Variants in RPS6KA2 observed in about 807,000 individuals in gnomAD.
The protein encoded by RPS6KA2 is ribosomal protein S6 kinase alpha-2.
Under a neutral mutation model 91.8 loss-of-function variants are expected in RPS6KA2, and 42 were observed. The ratio of observed to expected loss-of-function variants is 0.46; its 90% CI spans 0.36 to 0.59. RPS6KA2 has a LOEUF of 0.59. Among genes scored for constraint, RPS6KA2 ranks in the 20% least tolerant of loss-of-function variants. The pLI, the probability that RPS6KA2 is intolerant of heterozygous loss-of-function variation, is 0.00. For missense variants in RPS6KA2, 798 were observed against 978.5 expected (o/e 0.82, Z 2.46); for synonymous variants, 414 against 393.6 (o/e 1.05, Z -0.61).
At chr6:166,633,335 T>G (rs1334667088) in intron 2 of RPS6KA2, among the ~76,000 whole-genome samples, 5 of 152,300 alleles carry the variant, frequency 3.3e-5, no homozygotes, top group East Asian at 1.9e-4. Context: ...CTGGCCAGTG[T>G]GTAAGGATGG....
chr6:166,455,132 T>C (rs552996829), intron 12 of RPS6KA2, among the ~76,000 whole-genome samples: 1 of 152,266 alleles, frequency 6.6e-6, no homozygotes, highest in East Asian at 1.9e-4. Flanking sequence ...CCCTCGTCTG[T>C]TTAGGTGCTG....
At chr6:166,601,187 G>A (rs1785717697) in intron 1 of RPS6KA2, among the ~76,000 whole-genome samples, 1 of 152,156 alleles carries the variant, frequency 6.6e-6, no homozygotes, top group Admixed American at 6.5e-5. Context: ...TAGAAATCAA[G>A]CCATATTTCT....
intron 3 of RPS6KA2, among the ~76,000 whole-genome samples, chr6:166,518,166 A>T (rs1339087717): frequency 6.7e-6 from 1 of 149,492 alleles, no homozygotes; most frequent in African/African-American, 2.5e-5. Flanking sequence ...GTGCACCTGC[A>T]GCCCTAGCTA....
At position 166,412,703 on chromosome 6, in the gene RPS6KA2, CG is replaced by C; in HGVS notation, c.*58del. The C allele has an allele frequency of 1.3e-6, 2 of 1,511,632 alleles. No individual in the cohort carries two copies. Among genetic ancestry groups the C allele is most frequent in the Non-Finnish European group, 1.8e-6 (2 of 1,126,834 alleles). The allele number at this position is 1,511,632 out of a possible 1,614,324, so 93.6% of individuals were successfully genotyped here. ...CTGGGTGCCAGACGGGCTCCGAGGC[CG>C]GGGTCTGTGAGCCCACGAGGATGCT... On this transcript the variant is annotated 3_prime_UTR_variant, in exon 21 of 21. Transcript: ENST00000265678. This position sits in a 1 kb window ranked among gnomAD's most constrained non-coding sequence, Gnocchi z 4.3.
At chr6:166,773,391 TTTTTG>T (rs886585505) in intron 2 of RPS6KA2, among the ~76,000 whole-genome samples, 4 of 151,920 alleles carry the variant, frequency 2.6e-5, no homozygotes, top group Non-Finnish European at 5.9e-5. Context: ...TTTTCGTTTT[TTTTTG>T]TTTTGTTTTG....
chr6:166,550,697 G>A (rs974322657), intron 1 of RPS6KA2, among the ~76,000 whole-genome samples: 1 of 152,134 alleles, frequency 6.6e-6, no homozygotes, highest in Non-Finnish European at 1.5e-5. Flanking sequence ...ACAAACAAAA[G>A]AACTTGTTTT....
chr6:166,439,522 C>T (rs1472562619), intron 14 of RPS6KA2, among the ~76,000 whole-genome samples: 4 of 152,220 alleles, frequency 2.6e-5, no homozygotes, highest in Admixed American at 6.5e-5. Flanking sequence ...GCCATGTGCC[C>T]GACTTTGTTG....
At chr6:166,682,802 C>T (rs1051652510) in intron 2 of RPS6KA2, among the ~76,000 whole-genome samples, 2 of 152,176 alleles carry the variant, frequency 1.3e-5, no homozygotes, top group Non-Finnish European at 2.9e-5. Flanking sequence ...CCTATGACCA[C>T]CACCTACCTC....
chr6:166,557,729 G>C lies in RPS6KA2; in HGVS notation c.100-18945C>G, dbSNP rs954170225. ...TGTTATTCCCAGGCAAATATCCAGA[G>C]TTCAAAATGAAACTCGAAATCCTTC... On this transcript the variant is annotated intron_variant, in intron 1 of 20. Coordinates refer to ENST00000265678, the MANE Select transcript of RPS6KA2 (RefSeq NM_021135.6). This position sits in a 1 kb window ranked among gnomAD's most constrained non-coding sequence, Gnocchi z 4.8. Among the ~76,000 whole-genome samples the C allele has an allele frequency of 6.6e-6, 1 of 152,186 alleles. No individual in the cohort carries two copies. Among genetic ancestry groups the C allele is most frequent in the Non-Finnish European group, 1.5e-5 (1 of 68,024 alleles).
intron 10 of RPS6KA2, among the ~76,000 whole-genome samples, chr6:166,486,251 TGTGAGC>T (rs1325387995): frequency 1.8e-4 from 11 of 62,016 alleles, no homozygotes; most frequent in African/African-American, 6.5e-4. Flanking sequence ...CACACACAGC[TGTGAGC>T]ACACACACAC....
intron 14 of RPS6KA2, among the ~76,000 whole-genome samples, chr6:166,439,662 G>A (rs1166838857): frequency 6.6e-6 from 1 of 152,202 alleles, no homozygotes; most frequent in Non-Finnish European, 1.5e-5. Flanking sequence ...TGTGGGTGAG[G>A]GGGGCTGCTG....
chr6:166,445,393 C>T lies in RPS6KA2; in HGVS notation c.1332+3331G>A, dbSNP rs1192941960. Among the ~76,000 whole-genome samples the T allele has an allele frequency of 6.6e-6, 1 of 152,240 alleles. No homozygotes were observed. The highest frequency in any genetic ancestry group is 1.5e-5 in the Non-Finnish European group (1 of 68,048). On this transcript the variant is annotated intron_variant, in intron 14 of 20. Coordinates refer to ENST00000265678, the MANE Select transcript of RPS6KA2 (RefSeq NM_021135.6). The surrounding 1 kb of genome is among the most constrained non-coding windows in gnomAD (Gnocchi z 4.5). The stretch of plus-strand genomic sequence containing the variant: ...CCTTTATCTACATGAGACCTGCTCT[C>T]ACCCACAAGGATGCTGAGGCTGGGC...
At chr6:166,727,527 C>T (rs6926589) in intron 2 of RPS6KA2, among the ~76,000 whole-genome samples, 1 of 151,874 alleles carries the variant, frequency 6.6e-6, no homozygotes, top group Non-Finnish European at 1.5e-5. Flanking sequence ...AATGTGCCAG[C>T]ACCCTAAGGT....
Position 166,412,805 on chromosome 6 carries a change from G to A in RPS6KA2, c.2159C>T (p.Ala720Val), listed in dbSNP as rs1195989175. Residue 720 changes from alanine (A) to valine (V), a missense_variant, in exon 21 of 21, where the codon GCT becomes GTT. Ala to Val is a moderately conservative substitution (Grantham distance 64, BLOSUM62 0). Coordinates refer to ENST00000265678, the MANE Select transcript of RPS6KA2 (RefSeq NM_021135.6). The surrounding 1 kb of genome is among the most constrained non-coding windows in gnomAD (Gnocchi z 4.3). ...RLEPVLSSNL[A>V]QRRGMKRLTS... ...GAGTCTCTTCATGCCTCTGCGCTGAGCCAGGTTGGATGACAGCACGGGCTC... is the reference window on the plus strand; with the variant it reads ...GAGTCTCTTCATGCCTCTGCGCTGAACCAGGTTGGATGACAGCACGGGCTC... The A allele has an allele frequency of 6.3e-7, 1 of 1,593,848 alleles. No individual in the cohort carries two copies. The highest frequency in any genetic ancestry group is 1.1e-5 in the South Asian group (1 of 87,314).
intron 1 of RPS6KA2, among the ~76,000 whole-genome samples, chr6:166,595,227 A>G (rs1036504265): frequency 2.0e-5 from 3 of 151,836 alleles, no homozygotes; most frequent in African/African-American, 7.3e-5. Context: ...AATGTTTTGT[A>G]TTTTAGTAGA....
chr6:166,656,720 C>CT (rs1268099083), intron 2 of RPS6KA2, among the ~76,000 whole-genome samples: 1 of 152,232 alleles, frequency 6.6e-6, no homozygotes, highest in Admixed American at 6.5e-5. Context: ...GGTTCACCTG[C>CT]TGTGGGAACG....
At chr6:166,574,438 G>C (rs1784782563) in intron 1 of RPS6KA2, among the ~76,000 whole-genome samples, 1 of 152,210 alleles carries the variant, frequency 6.6e-6, no homozygotes, top group Non-Finnish European at 1.5e-5. Context: ...GAATTAATTT[G>C]CTTGGGATAA....
intron 1 of RPS6KA2, among the ~76,000 whole-genome samples, chr6:166,600,188 T>A (rs1785683784): frequency 6.6e-6 from 1 of 152,166 alleles, no homozygotes; most frequent in Admixed American, 6.5e-5. Context: ...TATTTTTGTT[T>A]TTAGTACAGA....
chr6:166,657,306 C>T (rs1308809463), intron 2 of RPS6KA2, among the ~76,000 whole-genome samples: 1 of 151,432 alleles, frequency 6.6e-6, no homozygotes, highest in Non-Finnish European at 1.5e-5. Flanking sequence ...GATAATTGTC[C>T]TGCTTTTGAC....
Sources: gnomAD v4.1 joint callset for allele counts (sites outside exome capture counted in the v4.1 genomes callset) on GRCh38, gnomAD v4.1.1 for gene constraint, Gnocchi (gnomAD v3.1) non-coding constraint, MANE v1.5 for transcripts, NCBI Gene and HGNC (gene_info 2026-07-23, HGNC 2026-07-21) for gene names.